WWC2: variants seen among roughly 807,000 people sequenced by gnomAD.
WWC2 encodes the protein WW and C2 domain containing 2.
In WWC2, 101 loss-of-function variants were observed where a neutral mutation model predicts 138.5. That is an observed-to-expected ratio of 0.73 (90% confidence interval 0.62 to 0.86). WWC2 has a LOEUF of 0.86. Ranked by LOEUF, WWC2 falls within the 40% of genes least tolerant of loss-of-function variation. The probability of loss-of-function intolerance (pLI) is 0.00; values close to 1 mark genes in which losing one functional copy is unlikely to be tolerated. For synonymous variants in WWC2, 558 were observed against 538.4 expected (o/e 1.04, Z -0.50); for missense variants, 1,420 against 1,419.4 (o/e 1.00, Z -0.01).
At chr4:183,113,372 C>T (rs994324393) in intron 1 of WWC2, among the ~76,000 whole-genome samples, 2 of 151,462 alleles carry the variant, frequency 1.3e-5, no homozygotes, top group Non-Finnish European at 2.9e-5. Context: ...ACTTTTGCAC[C>T]AACCTATAGA....
Position 183,268,984 on chromosome 4 carries a change from G to A in WWC2, c.2221G>A (p.Ala741Thr). 1 of 1,612,136 alleles carries A rather than the reference G, an allele frequency of 6.2e-7. No homozygotes were observed. The highest frequency in any genetic ancestry group is 1.3e-5 in the African/African-American group (1 of 74,944). ...TGTTCTTTGCAGATATTTTAGGGTT[G>A]CCGTTCTTCCTTCCTCAACTGATGT... is the stretch of plus-strand genomic sequence containing the variant. ...PHTSKVYFRV[A>T]VLPSSTDVSC... Residue 741 changes from alanine to threonine, a missense_variant, in exon 15 of 23, where the codon GCC becomes ACC. By Grantham distance (58) the Ala-to-Thr change is moderately conservative (BLOSUM62 0). Coordinates refer to ENST00000403733, the MANE Select transcript of WWC2 (RefSeq NM_024949.6).
rs527609785 is a variant in WWC2 at position 183,319,289 on chromosome 4, C to T, written c.*3560C>T. The T allele has an allele frequency of 5.4e-6, 2 of 368,076 alleles. No individual in the cohort carries two copies. Among genetic ancestry groups the T allele is most frequent in the South Asian group, 5.6e-5 (1 of 17,876 alleles). 22.8% of individuals were successfully genotyped at this position (368,076 alleles called of 1,614,324 possible). On this transcript the variant is annotated 3_prime_UTR_variant, in exon 23 of 23. Transcript: ENST00000403733. ...TACATAGAGATTAATGTTTTATTTA[C>T]CACTTCTGTGCAATCGCTATTTTAA...
At chr4:183,245,623 T>G (rs538845655) in intron 6 of WWC2, 78 bp downstream of exon 6, 1 of 1,421,662 alleles carries the variant, frequency 7.0e-7, no homozygotes, top group Non-Finnish European at 9.3e-7. Flanking sequence ...GCAGAAGTGC[T>G]CCCTCAGAGT....
intron 9 of WWC2, 79 bp from the exon 10 acceptor site, chr4:183,259,560 T>C: frequency 3.6e-6 from 4 of 1,121,536 alleles, no homozygotes; most frequent in Admixed American, 2.6e-5. Context: ...CTGTAATGTT[T>C]GTACAATGAG....
In WWC2 at chr4:183,319,732, CA is replaced by C. The variant is rs756804828; in HGVS notation, c.*4006del. 1 of 1,613,984 alleles carries C rather than the reference CA, an allele frequency of 6.2e-7. No individual in the cohort carries two copies. Among genetic ancestry groups the C allele is most frequent in the South Asian group, 1.1e-5 (1 of 91,056 alleles). ...AACCAGCCCAGAAACAGGGCCTCCC[CA>C]AACTCCCACCTGGGGACAAAGTCTG... On this transcript the variant is annotated 3_prime_UTR_variant, in exon 23 of 23. Transcript: ENST00000403733.
intron 1 of WWC2, among the ~76,000 whole-genome samples, chr4:183,105,029 C>T (rs1310677265): frequency 1.3e-5 from 2 of 152,182 alleles, no homozygotes; most frequent in Non-Finnish European, 2.9e-5. Context: ...GCCTCAGCTT[C>T]CTGAGTAGCT....
chr4:183,153,611 A>G (rs943434491), intron 1 of WWC2, among the ~76,000 whole-genome samples: 33 of 150,996 alleles, frequency 2.2e-4, no homozygotes, highest in Non-Finnish European at 4.0e-4. Context: ...TTGAAATGTC[A>G]GTTTTTAGTA....
chr4:183,256,168 A>G (rs1313546582), intron 9 of WWC2, among the ~76,000 whole-genome samples: 1 of 152,158 alleles, frequency 6.6e-6, no homozygotes, highest in Non-Finnish European at 1.5e-5. Context: ...ATAAGTGGAT[A>G]CTAGTTTCCT....
At chr4:183,257,013 C>G (rs1737172569) in intron 9 of WWC2, among the ~76,000 whole-genome samples, 1 of 151,536 alleles carries the variant, frequency 6.6e-6, no homozygotes, top group African/African-American at 2.4e-5. Flanking sequence ...GAAGCATTGC[C>G]AGGCCTAAAG....
chr4:183,172,556 G>GTTTTTTTTTTTTT (rs61599876), intron 1 of WWC2, among the ~76,000 whole-genome samples: 47 of 112,906 alleles, frequency 4.2e-4, no homozygotes, highest in East Asian at 8.1e-4. Flanking sequence ...TATGTTTCTT[G>GTTTTTTTTTTTTT]TTTTTTTTTT....
chr4:183,244,895 G>C (rs1199203286), intron 5 of WWC2, among the ~76,000 whole-genome samples: 4 of 152,046 alleles, frequency 2.6e-5, no homozygotes, highest in Non-Finnish European at 5.9e-5. Context: ...AAGGCAAAAA[G>C]ACATGCGTTT....
intron 2 of WWC2, among the ~76,000 whole-genome samples, chr4:183,197,651 A>G (rs1371716643): frequency 2.0e-5 from 3 of 152,156 alleles, no homozygotes; most frequent in East Asian, 1.9e-4. Context: ...GAAGGTAAAT[A>G]AGGAGGTATG....
At chr4:183,278,697 A>C (rs984913444) in intron 16 of WWC2, among the ~76,000 whole-genome samples, 95 of 151,914 alleles carry the variant, frequency 6.3e-4, no homozygotes, top group African/African-American at 2.0e-3. Flanking sequence ...CCTTCACATC[A>C]CTTGTAAGTT....
At position 183,284,410 on chromosome 4, in the gene WWC2, G is replaced by A. The variant is rs756050465; in HGVS notation, c.3048+20G>A. 11 of 1,606,416 alleles carry A rather than the reference G, an allele frequency of 6.8e-6. No homozygotes were observed. The highest frequency in any genetic ancestry group is 1.3e-5 in the African/African-American group (1 of 74,874). On this transcript the variant is annotated intron_variant, in intron 19 of 22. Transcript: ENST00000403733. ...TGCAGGGTAAGGTGGCAGTGCTCGT[G>A]GTGAGGCGCTGGGACTGCAGCTTCT... is the stretch of plus-strand genomic sequence containing the variant.
chr4:183,238,154 A>G (rs1443681621), intron 4 of WWC2, among the ~76,000 whole-genome samples: 2 of 152,216 alleles, frequency 1.3e-5, no homozygotes, highest in Non-Finnish European at 2.9e-5. Context: ...AATGTCTTAA[A>G]GAAAACTCTT....
At chr4:183,208,867 G>C in intron 3 of WWC2, 82 bp from the exon 4 acceptor site, 1 of 919,858 alleles carries the variant, frequency 1.1e-6, no homozygotes, top group Admixed American at 2.5e-5. Flanking sequence ...CATAAATCTT[G>C]TTTTTAGCTT....
At chr4:183,247,484 T>C (rs1446475940) in intron 6 of WWC2, among the ~76,000 whole-genome samples, 2 of 144,866 alleles carry the variant, frequency 1.4e-5, no homozygotes, top group Non-Finnish European at 3.0e-5. Context: ...CATATATATA[T>C]ACTATATATA....
At chr4:183,117,120 A>T (rs76150098) in intron 1 of WWC2, among the ~76,000 whole-genome samples, 1 of 151,736 alleles carries the variant, frequency 6.6e-6, no homozygotes, top group African/African-American at 2.4e-5. Flanking sequence ...ACTTCTGCAT[A>T]TCCCCTCCCT....
intron 20 of WWC2, among the ~76,000 whole-genome samples, chr4:183,287,957 C>G (rs1442940448): frequency 6.6e-6 from 1 of 152,184 alleles, no homozygotes; most frequent in African/African-American, 2.4e-5. Context: ...CCAGAGAGAG[C>G]CAGTTATTAA....
Sources: allele counts gnomAD v4.1 joint callset (sites outside exome capture counted in the v4.1 genomes callset), GRCh38; gene constraint gnomAD v4.1.1; transcripts MANE v1.5; gene names NCBI Gene and HGNC (gene_info 2026-07-23, HGNC 2026-07-21).